HYDIN: variants seen among roughly 807,000 people sequenced by gnomAD.
HYDIN encodes the protein HYDIN axonemal central pair apparatus protein.
Under a neutral mutation model 403.9 loss-of-function variants are expected in HYDIN, and 132 were observed. The observed-to-expected ratio is 0.33, with a 90% CI of 0.28 to 0.38. The LOEUF (loss-of-function observed/expected upper bound fraction) is 0.38, where lower values mean the gene tolerates loss of function less well. Ranked by LOEUF, HYDIN falls within the 10% of genes least tolerant of loss-of-function variation. The pLI is 1.00. For synonymous variants in HYDIN, 1,202 were observed against 1,891.7 expected (o/e 0.64, Z 9.46); for missense variants, 2,827 against 5,009.5 (o/e 0.56, Z 13.15).
chr16:71,051,650 A>T (rs1362952439), intron 18 of HYDIN, among the ~76,000 whole-genome samples: 1 of 151,706 alleles, frequency 6.6e-6, no homozygotes, highest in Non-Finnish European at 1.5e-5. Context: ...TGTCTCAAAA[A>T]AAAAAAAAAC....
At chr16:70,894,341 G>A (rs113497417) in intron 55 of HYDIN, 108 bp downstream of exon 55, 20 of 1,504,518 alleles carry the variant, frequency 1.3e-5, no homozygotes, top group Non-Finnish European at 1.7e-5. Context: ...TGGACTTGAC[G>A]GCCGCAAACC....
intron 1 of HYDIN, among the ~76,000 whole-genome samples, chr16:71,204,676 G>T (rs1356856391): frequency 4.0e-5 from 6 of 150,948 alleles, no homozygotes; most frequent in Non-Finnish European, 1.5e-5. Flanking sequence ...GAGCTGTCTG[G>T]CATATAACAG....
At chr16:70,961,276 C>T (rs1258953524) in intron 38 of HYDIN, among the ~76,000 whole-genome samples, 1 of 152,046 alleles carries the variant, frequency 6.6e-6, no homozygotes, top group Non-Finnish European at 1.5e-5. Flanking sequence ...AGGCATGGAG[C>T]CAGAAATTTC....
intron 18 of HYDIN, among the ~76,000 whole-genome samples, chr16:71,043,423 T>C (rs909557487): frequency 1.4e-5 from 2 of 143,370 alleles, no homozygotes; most frequent in Admixed American, 1.4e-4. Flanking sequence ...TATTGCGTCT[T>C]AGAACTCCTG....
Position 71,069,398 on chromosome 16 carries a change from A to C in HYDIN, c.1843T>G (p.Tyr615Asp), listed in dbSNP as rs1327920125. 1 of 1,614,092 alleles carries C rather than the reference A, an allele frequency of 6.2e-7. No homozygotes were observed. The highest frequency in any genetic ancestry group is 8.5e-7 in the Non-Finnish European group (1 of 1,180,028). ...TTGTAGTCCACATGCTGCTCACAAT[A>C]TGAAATGCTTTTATGGCCAAGGCCA... ...GDGLGHKSISYCEQHVDYKRP... is the reference protein window; with the variant it reads ...GDGLGHKSISDCEQHVDYKRP... Residue 615 changes from tyrosine to aspartate, a missense_variant, in exon 14 of 86, where the codon TAT becomes GAT. Transcript: ENST00000393567.
intron 18 of HYDIN, among the ~76,000 whole-genome samples, chr16:71,036,823 CT>C (rs1385084760): frequency 6.6e-6 from 1 of 152,176 alleles, no homozygotes; most frequent in African/African-American, 2.4e-5. Flanking sequence ...CTCTATCATC[CT>C]TGTGTCTCTT....
At position 70,908,819 on chromosome 16, in the gene HYDIN, T is replaced by G; in HGVS notation, c.8047A>C (p.Lys2683Gln). Residue 2683 changes from lysine (K) to glutamine (Q), a missense_variant, in exon 48 of 86, where the codon AAA (lysine) becomes CAA (glutamine). Coordinates refer to ENST00000393567, the MANE Select transcript of HYDIN (RefSeq NM_001270974.2). ...QTSSSKGGKQ[K>Q]MKEKIDQVFE... is the part of the protein sequence containing the mutation. Reference sequence around the variant, plus strand: ...ACTTGGTCTATCTTTTCTTTCATTTTCTGTTTGCCCCCCTTAGATGAGCTG... The same window carrying G: ...ACTTGGTCTATCTTTTCTTTCATTTGCTGTTTGCCCCCCTTAGATGAGCTG... 1 of 1,614,226 alleles carries G rather than the reference T, an allele frequency of 6.2e-7. No individual in the cohort carries two copies. The highest frequency in any genetic ancestry group is 2.2e-5 in the East Asian group (1 of 44,886).
At chr16:71,189,991 T>A (rs1334725998) in intron 1 of HYDIN, among the ~76,000 whole-genome samples, 1 of 152,162 alleles carries the variant, frequency 6.6e-6, no homozygotes, top group Non-Finnish European at 1.5e-5. Flanking sequence ...AAAGTTTTTA[T>A]ATTAAGAAAC....
intron 45 of HYDIN, among the ~76,000 whole-genome samples, chr16:70,921,942 C>T (rs1004370020): frequency 7.2e-5 from 11 of 152,218 alleles, no homozygotes; most frequent in Non-Finnish European, 1.5e-4. Context: ...CTGATTTTCT[C>T]CTCCCCTGGA....
chr16:71,026,666 T>C (rs1325123072), intron 20 of HYDIN, among the ~76,000 whole-genome samples: 2 of 152,248 alleles, frequency 1.3e-5, no homozygotes, highest in African/African-American at 2.4e-5. Flanking sequence ...ACATTATCTT[T>C]TCCACAATGA....
At chr16:70,937,483 T>C (rs2077527622) in intron 44 of HYDIN, among the ~76,000 whole-genome samples, 1 of 151,596 alleles carries the variant, frequency 6.6e-6, no homozygotes, top group East Asian at 1.9e-4. Context: ...TGAAAACCTG[T>C]CTCTACTAAA....
At chr16:70,882,096 C>A (rs2040843226) in intron 60 of HYDIN, among the ~76,000 whole-genome samples, 1 of 152,264 alleles carries the variant, frequency 6.6e-6, no homozygotes, top group African/African-American at 2.4e-5. Context: ...GCCCTATATT[C>A]TCAGGCTCTG....
chr16:70,860,006 T>G, intron 71 of HYDIN, 62 bp downstream of exon 71: 8 of 1,521,082 alleles, frequency 5.3e-6, no homozygotes, highest in Non-Finnish European at 2.7e-6. Flanking sequence ...TGGCACACTT[T>G]CCACACAGCA....
chr16:70,976,896 G>C (rs1241180370), intron 30 of HYDIN, among the ~76,000 whole-genome samples: 1 of 151,882 alleles, frequency 6.6e-6, no homozygotes, highest in Non-Finnish European at 1.5e-5. Context: ...CCCACAGTGA[G>C]GCACAGGAGG....
chr16:71,022,478 A>G (rs985801546), intron 21 of HYDIN, among the ~76,000 whole-genome samples: 1 of 152,208 alleles, frequency 6.6e-6, no homozygotes, highest in African/African-American at 2.4e-5. Flanking sequence ...ACAGCTATAG[A>G]AAAATTCTTC....
intron 8 of HYDIN, among the ~76,000 whole-genome samples, chr16:71,130,530 G>C (rs931888191): frequency 2.1e-5 from 3 of 139,542 alleles, no homozygotes; most frequent in African/African-American, 7.9e-5. Context: ...GCCCAGGCCG[G>C]ACTGCGGACT....
chr16:71,024,324 T>G (rs928068590), intron 21 of HYDIN, among the ~76,000 whole-genome samples: 2 of 152,208 alleles, frequency 1.3e-5, no homozygotes, highest in African/African-American at 4.8e-5. Flanking sequence ...TCCCTCTGCC[T>G]ACAATTCTCT....
At chr16:70,872,521 CCATCCATCCATCATCCATT>C (rs1845248150) in intron 64 of HYDIN, among the ~76,000 whole-genome samples, 1 of 150,160 alleles carries the variant, frequency 6.7e-6, no homozygotes, top group African/African-American at 2.5e-5. Context: ...ACCTATCCAT[CCATCCATCCATCATCCATT>C]CATCCATCCA....
chr16:70,964,743 G>C lies in HYDIN; in HGVS notation c.5773C>G (p.Leu1925Val). The C allele has an allele frequency of 1.9e-6, 3 of 1,609,626 alleles. No homozygotes were observed. The South Asian group carries it at 3.3e-5, about 18-fold the overall frequency. Reference protein sequence around the residue: ...EQMRAKYLENLAQENEEEDIT... With the variant: ...EQMRAKYLENVAQENEEEDIT... Reference sequence around the variant, plus strand: ...GAGTTCTCACCATTCTCCTGTGCCAGATTCTCCAGATATTTCGCCCTCATC... The same window carrying C: ...GAGTTCTCACCATTCTCCTGTGCCACATTCTCCAGATATTTCGCCCTCATC... Residue 1925 changes from leucine to valine, a missense_variant, in exon 37 of 86, where the codon CTG (leucine) becomes GTG (valine). Coordinates refer to ENST00000393567, the MANE Select transcript of HYDIN (RefSeq NM_001270974.2).
Sources: allele counts gnomAD v4.1 joint callset (sites outside exome capture counted in the v4.1 genomes callset), GRCh38; gene constraint gnomAD v4.1.1; transcripts MANE v1.5; gene names NCBI Gene and HGNC (gene_info 2026-07-23, HGNC 2026-07-21).